PABPC4L: variants seen among roughly 807,000 people sequenced by gnomAD.
PABPC4L encodes the protein poly(A) binding protein cytoplasmic 4 like.
For synonymous variants in PABPC4L, 169 were observed against 164.1 expected (o/e 1.03, Z -0.23); for missense variants, 452 against 451.4 (o/e 1.00, Z -0.01).
the PABPC4L span, among the ~76,000 whole-genome samples, chr4:133,972,313 A>G: frequency 6.6e-6 from 1 of 152,214 alleles, no homozygotes. Flanking sequence ...TATACTGCTT[A>G]TCAAAATAGT....
the PABPC4L span, among the ~76,000 whole-genome samples, chr4:134,071,073 C>T: frequency 2.0e-5 from 3 of 152,196 alleles, no homozygotes; most frequent in Admixed American, 2.0e-4. Flanking sequence ...GCAGTTCTCC[C>T]TGATAGCTGA....
At chr4:133,994,699 C>T in the PABPC4L span, among the ~76,000 whole-genome samples, 1 of 152,160 alleles carries the variant, frequency 6.6e-6, no homozygotes, top group Non-Finnish European at 1.5e-5. Flanking sequence ...TCCTGTGGCT[C>T]CCGTGCTTCC....
At chr4:134,125,433 C>T in the PABPC4L span, among the ~76,000 whole-genome samples, 2 of 152,016 alleles carry the variant, frequency 1.3e-5, no homozygotes, top group Non-Finnish European at 2.9e-5. Flanking sequence ...TTTCAACATC[C>T]TCCTCTTAAA....
At chr4:134,124,021 G>A in the PABPC4L span, among the ~76,000 whole-genome samples, 1 of 152,112 alleles carries the variant, frequency 6.6e-6, no homozygotes, top group African/African-American at 2.4e-5. Context: ...GATTTTTAGA[G>A]AGAGTTCAAA....
At chr4:134,026,426 A>G in the PABPC4L span, among the ~76,000 whole-genome samples, 5 of 151,956 alleles carry the variant, frequency 3.3e-5, no homozygotes, top group African/African-American at 1.2e-4. Context: ...TTTAGTAGAG[A>G]TGGGGTTTCA....
At chr4:134,106,437 AAGAAAGAAAG>A in the PABPC4L span, among the ~76,000 whole-genome samples, 251 of 151,644 alleles carry the variant, frequency 1.7e-3, 2 homozygotes, top group Middle Eastern at 6.8e-3. Context: ...TATGCTAAGA[AAGAAAGAAAG>A]AGAAAGAAAG....
the PABPC4L span, among the ~76,000 whole-genome samples, chr4:134,051,181 T>C: frequency 6.6e-6 from 1 of 152,148 alleles, no homozygotes; most frequent in Non-Finnish European, 1.5e-5. Context: ...CATGTGTGGA[T>C]AGAAAACAAG....
chr4:134,057,393 C>T, the PABPC4L span, among the ~76,000 whole-genome samples: 1 of 152,058 alleles, frequency 6.6e-6, no homozygotes, highest in South Asian at 2.1e-4. Flanking sequence ...GTGGTGATGG[C>T]CTCGTTACCA....
chr4:134,090,829 A>C, the PABPC4L span, among the ~76,000 whole-genome samples: 1 of 151,904 alleles, frequency 6.6e-6, no homozygotes, highest in African/African-American at 2.4e-5. Context: ...AATAGTGATT[A>C]GATATGTCAC....
chr4:134,088,317 A>G, the PABPC4L span, among the ~76,000 whole-genome samples: 1 of 152,080 alleles, frequency 6.6e-6, no homozygotes, highest in Non-Finnish European at 1.5e-5. Flanking sequence ...CTCCAAGGGA[A>G]TGGTTCAAAA....
the PABPC4L span, among the ~76,000 whole-genome samples, chr4:134,124,742 G>A: frequency 6.6e-6 from 1 of 152,106 alleles, no homozygotes; most frequent in African/African-American, 2.4e-5. Context: ...TTCACAGGGT[G>A]GCCTGGTGCA....
the PABPC4L span, among the ~76,000 whole-genome samples, chr4:134,033,406 G>A: frequency 6.6e-6 from 1 of 151,742 alleles, no homozygotes; most frequent in Non-Finnish European, 1.5e-5. Context: ...AAGTGTTCCA[G>A]TGAAAGGAAG....
chr4:134,041,733 T>C, the PABPC4L span, among the ~76,000 whole-genome samples: 1 of 152,076 alleles, frequency 6.6e-6, no homozygotes, highest in African/African-American at 2.4e-5. Context: ...AGATACCACT[T>C]TGCCCAGTCA....
the PABPC4L span, among the ~76,000 whole-genome samples, chr4:133,986,856 C>T: frequency 6.6e-6 from 1 of 151,972 alleles, no homozygotes; most frequent in South Asian, 2.1e-4. Flanking sequence ...CTGCCTCAGC[C>T]TCCGGAGTAG....
chr4:133,968,351 A>C, the PABPC4L span, among the ~76,000 whole-genome samples: 1 of 152,336 alleles, frequency 6.6e-6, no homozygotes, highest in African/African-American at 2.4e-5. Flanking sequence ...CTCACATCCC[A>C]ACAGACATGC....
At chr4:134,101,738 A>T in the PABPC4L span, among the ~76,000 whole-genome samples, 1 of 151,448 alleles carries the variant, frequency 6.6e-6, no homozygotes, top group Non-Finnish European at 1.5e-5. Flanking sequence ...TGATTGGTGG[A>T]ACTACAATAG....
chr4:133,991,308 C>A, the PABPC4L span, among the ~76,000 whole-genome samples: 1 of 152,104 alleles, frequency 6.6e-6, no homozygotes, highest in South Asian at 2.1e-4. Flanking sequence ...CTTACATCTG[C>A]TGTTAAATTA....
downstream of PABPC4L, among the ~76,000 whole-genome samples, chr4:134,191,429 G>T (rs558354618): frequency 1.4e-4 from 21 of 152,116 alleles, no homozygotes; most frequent in East Asian, 1.2e-3. Flanking sequence ...CTCAGAATAT[G>T]CCACATGTTA....
the PABPC4L span, among the ~76,000 whole-genome samples, chr4:134,178,102 A>C: frequency 6.6e-6 from 1 of 152,076 alleles, no homozygotes; most frequent in Non-Finnish European, 1.5e-5. Flanking sequence ...CTTCTGTCTG[A>C]GGGCAGGCAC....
Sources: gnomAD v4.1 joint callset for allele counts (sites outside exome capture counted in the v4.1 genomes callset) on GRCh38, gnomAD v4.1.1 for gene constraint, MANE v1.5 for transcripts, NCBI Gene and HGNC (gene_info 2026-07-23, HGNC 2026-07-21) for gene names.